Variants in SRSF11 observed in about 807,000 individuals in gnomAD.
SRSF11 encodes the protein serine and arginine rich splicing factor 11, also known as serine/arginine-rich splicing factor 11.
In SRSF11, 9 loss-of-function variants were observed where a neutral mutation model predicts 56.0. The ratio of observed to expected loss-of-function variants is 0.16; its 90% CI spans 0.10 to 0.28. SRSF11 has a LOEUF of 0.28. Ranked by LOEUF, SRSF11 falls within the 10% of genes least tolerant of loss-of-function variation. SRSF11 has a pLI of 1.00. For synonymous variants in SRSF11, 222 were observed against 215.3 expected (o/e 1.03, Z -0.27); for missense variants, 421 against 600.7 (o/e 0.70, Z 3.13).
chr1:70,250,144 C>A, intron 10 of SRSF11, 97 bp downstream of exon 10: 1 of 1,312,648 alleles, frequency 7.6e-7, no homozygotes, highest in South Asian at 1.3e-5. Context: ...AGTTACAGTT[C>A]TTAAGAATGT....
intron 1 of SRSF11, chr1:70,222,769 A>G (rs1670940164): frequency 6.6e-6 from 1 of 152,238 alleles, no homozygotes; most frequent in African/African-American, 2.4e-5. Context: ...TAAACAGGAA[A>G]TTGGAATCCT....
chr1:70,235,334 GTTTTGTTTTTTGT>G (rs993491531), intron 4 of SRSF11, among the ~76,000 whole-genome samples, 154 bp from the exon 5 acceptor site: 1 of 151,734 alleles, frequency 6.6e-6, no homozygotes, highest in Non-Finnish European at 1.5e-5. Context: ...GTTTTGTTTT[GTTTTGTTTTTTGT>G]TTTTGTTTTT....
At position 70,250,722 on chromosome 1, in the gene SRSF11, G is replaced by A. The variant is rs1203459694; in HGVS notation, c.1372G>A (p.Glu458Lys). 6.2e-7 allele frequency: 1 copy of A among 1,614,012 alleles called. No homozygotes were observed. The highest frequency in any genetic ancestry group is 2.2e-5 in the East Asian group (1 of 44,834). Residue 458 changes from glutamate to lysine, a missense_variant, in exon 12 of 12, where the codon GAA becomes AAA. Coordinates refer to ENST00000370949, the MANE Select transcript of SRSF11 (RefSeq NM_001350605.2). ...CCCTAAAACAAAGGAATGTTCTGTGGAAAAGGGAACTGGTGATTCACTAAG... is the reference window on the plus strand; with the variant it reads ...CCCTAAAACAAAGGAATGTTCTGTGAAAAAGGGAACTGGTGATTCACTAAG... ...GSPKTKECSV[E>K]KGTGDSLRES...
chr1:70,219,358 G>T (rs1325343340), upstream of SRSF11, among the ~76,000 whole-genome samples: 2 of 152,156 alleles, frequency 1.3e-5, no homozygotes, highest in Admixed American at 6.5e-5. Context: ...TGTAAAATAG[G>T]ATAGCGTTTG....
rs554908178 is a variant in SRSF11 at position 70,239,363 on chromosome 1, A to G, written c.719-76A>G. On this transcript the variant is annotated intron_variant, in intron 6 of 11. Transcript: ENST00000370949. ...CACTTCAGCCTCTCATAGTGCTGTG[A>G]TTACAGGCATGAGCCACTGCGTCTG... is the stretch of plus-strand genomic sequence containing the variant. 824 of 1,002,950 alleles carry G rather than the reference A, an allele frequency of 8.2e-4. 9 individuals carry two copies. In the African/African-American group the frequency reaches 0.013, roughly 15 times the overall value. 62.1% of individuals were successfully genotyped at this position (1,002,950 alleles called of 1,614,324 possible).
At chr1:70,247,390 C>A (rs1445655081) in intron 9 of SRSF11, among the ~76,000 whole-genome samples, 1 of 152,012 alleles carries the variant, frequency 6.6e-6, no homozygotes, top group African/African-American at 2.4e-5. Flanking sequence ...GACCTTACTG[C>A]ACAAAAAGCA....
At chr1:70,208,386 T>C (rs966949988) in intron 1 of SRSF11, among the ~76,000 whole-genome samples, 2 of 151,632 alleles carry the variant, frequency 1.3e-5, no homozygotes, top group Non-Finnish European at 2.9e-5. Context: ...CAGCCTAGAG[T>C]GCAATGGCTC....
chr1:70,234,822 T>G, intron 4 of SRSF11, 34 bp downstream of exon 4: 1 of 1,520,366 alleles, frequency 6.6e-7, no homozygotes, highest in Non-Finnish European at 9.0e-7. Flanking sequence ...TTTCACCCAT[T>G]TTTACAGAAG....
rs1678047592 is a variant in SRSF11 at position 70,252,151 on chromosome 1, C to G, written c.*1346C>G. 6.6e-6 allele frequency: 1 copy of G among 152,396 alleles called. No homozygotes were observed. The highest frequency in any genetic ancestry group is 1.5e-5 in the Non-Finnish European group (1 of 67,974). 9.4% of individuals were successfully genotyped at this position (152,396 alleles called of 1,614,324 possible). A position where few individuals can be genotyped will look rare whatever the true frequency, so the allele number is the denominator to read the frequency against. On this transcript the variant is annotated 3_prime_UTR_variant, in exon 12 of 12. Transcript: ENST00000370949. ...AGTCTATCACTGTAGTGATAATTGC[C>G]ATCAAAATTGTCAAAAATGATTTAA...
At chr1:70,208,759 T>A (rs1472146716) in intron 1 of SRSF11, among the ~76,000 whole-genome samples, 2 of 152,228 alleles carry the variant, frequency 1.3e-5, no homozygotes, top group Non-Finnish European at 2.9e-5. Flanking sequence ...GCTAATCAAC[T>A]TCAACTGAGC....
At chr1:70,217,139 G>T (rs891917630), upstream of SRSF11, among the ~76,000 whole-genome samples, 8 of 151,476 alleles carry the variant, frequency 5.3e-5, no homozygotes, top group African/African-American at 1.7e-4. Flanking sequence ...GGTTTTTTGT[G>T]TTTTTTTTGT....
chr1:70,249,273 A>T (rs1182699701), intron 9 of SRSF11: 1 of 152,202 alleles, frequency 6.6e-6, no homozygotes, highest in African/African-American at 2.4e-5. Context: ...TACCTTCTAT[A>T]TCACATTATT....
Position 70,250,787 on chromosome 1 carries a change from C to T in SRSF11, c.1437C>T (p.Asp479=), listed in dbSNP as rs778164258. The T allele has an allele frequency of 5.0e-6, 8 of 1,613,866 alleles. No individual in the cohort carries two copies. Among genetic ancestry groups the T allele is most frequent in the Non-Finnish European group, 6.8e-6 (8 of 1,179,864 alleles). The part of the protein sequence containing the change: ...KVNGDDHHEE[D]MDMSD ...ATGGGGATGATCATCATGAAGAAGA[C>T]ATGGATATGAGTGACTGAATATTGC... The change falls in exon 12 of 12, where the codon GAC becomes GAT. Residue 479 remains aspartate (D), a synonymous_variant. Coordinates refer to ENST00000370949, the MANE Select transcript of SRSF11 (RefSeq NM_001350605.2).
intron 1 of SRSF11, among the ~76,000 whole-genome samples, chr1:70,215,217 C>T (rs1322273895): frequency 6.6e-6 from 1 of 151,898 alleles, no homozygotes; most frequent in African/African-American, 2.4e-5. Context: ...TTAAAACTTA[C>T]GGATTTGTAA....
At chr1:70,217,721 G>A (rs956076242), upstream of SRSF11, among the ~76,000 whole-genome samples, 3 of 152,140 alleles carry the variant, frequency 2.0e-5, no homozygotes, top group African/African-American at 7.2e-5. Context: ...AAATAAATCT[G>A]AAGTGATTTA....
In SRSF11 at chr1:70,252,863, A is replaced by G. The variant is rs1287652502; in HGVS notation, c.*2058A>G. 1 of 152,198 alleles carries G rather than the reference A, an allele frequency of 6.6e-6. No individual in the cohort carries two copies. The highest frequency in any genetic ancestry group is 2.4e-5 in the African/African-American group (1 of 41,460). 9.4% of individuals were successfully genotyped at this position (152,198 alleles called of 1,614,324 possible). The stretch of plus-strand genomic sequence containing the variant: ...AAAGTAGTGCCACTGACAAGATGCT[A>G]CAGTGAAGATTATCCATTCTTAGGA... On this transcript the variant is annotated 3_prime_UTR_variant, in exon 12 of 12. Transcript: ENST00000370949.
At chr1:70,232,168 C>G in intron 2 of SRSF11, 100 bp from the exon 3 acceptor site, 2 of 1,589,222 alleles carry the variant, frequency 1.3e-6, no homozygotes, top group Non-Finnish European at 1.7e-6. Flanking sequence ...GTACTTTCAA[C>G]AAACTCAGGT....
intron 7 of SRSF11, among the ~76,000 whole-genome samples, chr1:70,241,784 T>C (rs1675464514): frequency 1.3e-5 from 2 of 152,254 alleles, no homozygotes; most frequent in African/African-American, 2.4e-5. Context: ...TCCATGACAG[T>C]GCTCTCATAG....
chr1:70,211,944 A>C (rs1199579662), intron 1 of SRSF11, among the ~76,000 whole-genome samples: 1 of 152,066 alleles, frequency 6.6e-6, no homozygotes. Flanking sequence ...GAAATACTAC[A>C]TCTCTACCAT....
Sources: allele counts gnomAD v4.1 joint callset (sites outside exome capture counted in the v4.1 genomes callset), GRCh38; gene constraint gnomAD v4.1.1; transcripts MANE v1.5; gene names NCBI Gene and HGNC (gene_info 2026-07-23, HGNC 2026-07-21).